The following RBFOX1 variants were observed in gnomAD, a reference collection of about 807,000 sequenced individuals.
RBFOX1 encodes RNA binding fox-1 homolog 1.
RBFOX1 carries 8 observed loss-of-function variants against 57.7 expected under a neutral mutation model. The ratio of observed to expected loss-of-function variants is 0.14; its 90% CI spans 0.08 to 0.25. The LOEUF (loss-of-function observed/expected upper bound fraction) is 0.25. Ranked by LOEUF, RBFOX1 falls within the 10% of genes least tolerant of loss-of-function variation. The pLI, the probability that RBFOX1 is intolerant of heterozygous loss-of-function variation, is 1.00. For missense variants in RBFOX1, 611 were observed against 548.5 expected (o/e 1.11, Z -1.14); for synonymous variants, 326 against 222.4 (o/e 1.47, Z -4.15).
rs2065618386 is a variant in RBFOX1 at position 5,363,662 on chromosome 16, G to C, written c.220-103554G>C. Among the ~76,000 whole-genome samples the C allele has an allele frequency of 2.6e-5, 4 of 152,226 alleles. No homozygotes were observed. In the South Asian group the frequency reaches 8.3e-4, roughly 32 times the overall value. ...GTACTAATGAATCATGACCCTTCTT[G>C]CACACTTTGGAAATTGCTTGTGAAA... On this transcript the variant is annotated intron_variant, in intron 1 of 2. Transcript: ENST00000585867.
intron 3 of RBFOX1, among the ~76,000 whole-genome samples, chr16:7,003,534 A>G (rs2093025303): frequency 6.6e-6 from 1 of 152,164 alleles, no homozygotes; most frequent in African/African-American, 2.4e-5. Flanking sequence ...TCAGGGATGC[A>G]TATTTACACC....
At chr16:5,876,045 G>C (rs569078405) in intron 4 of RBFOX1, among the ~76,000 whole-genome samples, 3 of 152,130 alleles carry the variant, frequency 2.0e-5, no homozygotes, top group East Asian at 1.9e-4. Context: ...GGGTTTCGCC[G>C]TGTTAGCCAG....
At chr16:7,366,524 T>A (rs950620138) in intron 4 of RBFOX1, among the ~76,000 whole-genome samples, 2 of 152,212 alleles carry the variant, frequency 1.3e-5, no homozygotes, top group African/African-American at 2.4e-5. Flanking sequence ...CTGAGATGAT[T>A]TCTGTCCTTC....
chr16:7,387,127 C>G (rs1403797999), intron 4 of RBFOX1, among the ~76,000 whole-genome samples: 1 of 152,052 alleles, frequency 6.6e-6, no homozygotes. Context: ...GATATTAGCC[C>G]TTTGTCAGAT....
chr16:6,764,820 C>T (rs888833100), intron 3 of RBFOX1, among the ~76,000 whole-genome samples: 1 of 152,014 alleles, frequency 6.6e-6, no homozygotes, highest in Admixed American at 6.6e-5. Context: ...GCCTGTAATC[C>T]TAGCTACTCG....
At chr16:6,729,137 T>A (rs2067932163) in intron 3 of RBFOX1, among the ~76,000 whole-genome samples, 1 of 152,174 alleles carries the variant, frequency 6.6e-6, no homozygotes, top group African/African-American at 2.4e-5. Context: ...GTTCTTTATA[T>A]GATTTTGCTG....
chr16:7,152,695 G>T (rs774687040), intron 4 of RBFOX1, among the ~76,000 whole-genome samples: 1 of 152,076 alleles, frequency 6.6e-6, no homozygotes, highest in Non-Finnish European at 1.5e-5. Context: ...AATGCAGCAT[G>T]GGCAAAATAA....
At chr16:6,187,622 C>T (rs539154261) in intron 1 of RBFOX1, among the ~76,000 whole-genome samples, 1 of 152,126 alleles carries the variant, frequency 6.6e-6, no homozygotes, top group South Asian at 2.1e-4. Context: ...CATATTAATC[C>T]AGGCTGGAGA....
intron 4 of RBFOX1, among the ~76,000 whole-genome samples, chr16:7,241,181 C>A (rs563775358): frequency 2.0e-5 from 3 of 152,214 alleles, no homozygotes; most frequent in South Asian, 2.1e-4. Context: ...ATTGATTATT[C>A]ATAACCCTGA....
intron 4 of RBFOX1, among the ~76,000 whole-genome samples, chr16:7,206,522 G>A (rs556164635): frequency 6.6e-6 from 1 of 151,654 alleles, no homozygotes; most frequent in African/African-American, 2.4e-5. Context: ...AAAGACACTT[G>A]CAAGCTCTCA....
intron 3 of RBFOX1, among the ~76,000 whole-genome samples, chr16:5,655,689 C>G (rs1665534177): frequency 6.6e-6 from 1 of 152,146 alleles, no homozygotes; most frequent in African/African-American, 2.4e-5. Flanking sequence ...GTACCTCTTT[C>G]TCATCTCACA....
intron 4 of RBFOX1, among the ~76,000 whole-genome samples, chr16:7,072,607 G>A (rs2057550649): frequency 6.6e-6 from 1 of 152,128 alleles, no homozygotes; most frequent in Non-Finnish European, 1.5e-5. Flanking sequence ...CAAGATAACC[G>A]TTATTCTAGA....
intron 2 of RBFOX1, among the ~76,000 whole-genome samples, chr16:6,552,122 A>G (rs888724277): frequency 1.3e-5 from 2 of 152,172 alleles, no homozygotes; most frequent in Non-Finnish European, 2.9e-5. Flanking sequence ...TGGGACAATA[A>G]TGTTCTTGTG....
chr16:6,347,546 T>A (rs2085582669), intron 2 of RBFOX1, among the ~76,000 whole-genome samples: 1 of 151,846 alleles, frequency 6.6e-6, no homozygotes, highest in Non-Finnish European at 1.5e-5. Flanking sequence ...GGCCTGGGAG[T>A]AACTGAGAGA....
chr16:6,242,552 A>T (rs905436519), intron 1 of RBFOX1, among the ~76,000 whole-genome samples: 3 of 150,278 alleles, frequency 2.0e-5, no homozygotes, highest in Non-Finnish European at 4.4e-5. Context: ...ATTTTACTGT[A>T]TGAGTCCATC....
intron 3 of RBFOX1, among the ~76,000 whole-genome samples, chr16:6,710,740 A>T (rs2063568920): frequency 6.6e-6 from 1 of 152,242 alleles, no homozygotes; most frequent in Non-Finnish European, 1.5e-5. Context: ...ATTAGATGGC[A>T]GGAAAATGGC....
At chr16:7,090,943 A>T (rs1032948831) in intron 4 of RBFOX1, among the ~76,000 whole-genome samples, 2 of 152,196 alleles carry the variant, frequency 1.3e-5, no homozygotes, top group Non-Finnish European at 2.9e-5. Context: ...TTCCGCCAGG[A>T]TTAGAGGTTC....
intron 1 of RBFOX1, among the ~76,000 whole-genome samples, chr16:6,221,767 C>T (rs2097374904): frequency 3.9e-5 from 6 of 152,094 alleles, no homozygotes; most frequent in Admixed American, 3.3e-4. Flanking sequence ...TGCAGAGGAA[C>T]TCCCATCTAT....
At chr16:7,107,157 G>A (rs2063765078) in intron 4 of RBFOX1, among the ~76,000 whole-genome samples, 1 of 152,146 alleles carries the variant, frequency 6.6e-6, no homozygotes, top group African/African-American at 2.4e-5. Flanking sequence ...TATCCAGGGA[G>A]AACAGAAAGT....
Sources: gnomAD v4.1 joint callset for allele counts (sites outside exome capture counted in the v4.1 genomes callset) on GRCh38, gnomAD v4.1.1 for gene constraint, MANE v1.5 for transcripts, NCBI Gene and HGNC (gene_info 2026-07-23, HGNC 2026-07-21) for gene names.